The following CARD19 variants were observed in gnomAD, a reference collection of about 807,000 sequenced individuals.
The protein encoded by CARD19 is caspase recruitment domain-containing protein 19.
CARD19 carries 25 observed loss-of-function variants against 24.1 expected under a neutral mutation model. The observed-to-expected ratio is 1.04, with a 90% confidence interval of 0.76 to 1.45. The LOEUF is 1.45. CARD19 is among the 40% of genes most tolerant of loss of function. CARD19 has a pLI of 0.00. For missense variants in CARD19, 241 were observed against 247.4 expected, an observed-to-expected ratio of 0.97 and a Z score of 0.17; for synonymous variants, 103 against 104.9, an observed-to-expected ratio of 0.98 and a Z score of 0.11.
intron 1 of CARD19, among the ~76,000 whole-genome samples, chr9:93,098,898 C>CTA (rs1826979972): frequency 6.7e-5 from 5 of 74,664 alleles, no homozygotes. Flanking sequence ...CATTGCAGAA[C>CTA]TCTTTTTTTT....
At chr9:93,097,960 C>T (rs539944890) in intron 1 of CARD19, among the ~76,000 whole-genome samples, 3 of 152,370 alleles carry the variant, frequency 2.0e-5, no homozygotes, top group Non-Finnish European at 4.4e-5. Flanking sequence ...ATATGGACAG[C>T]CCTGCGAGGC....
At chr9:93,108,274 C>G (rs1827339701) in intron 2 of CARD19, among the ~76,000 whole-genome samples, 1 of 152,184 alleles carries the variant, frequency 6.6e-6, no homozygotes, top group South Asian at 2.1e-4. Context: ...GCTTTGCACT[C>G]TGCATCTTCC....
chr9:93,096,269 A>G lies in CARD19; in HGVS notation c.-77A>G. 1.6e-6 allele frequency: 2 copies of G among 1,215,568 alleles called. No individual in the cohort carries two copies. Among genetic ancestry groups the G allele is most frequent in the East Asian group, 3.2e-5 (1 of 30,808 alleles). The allele number at this position is 1,215,568 out of a possible 1,614,324, so 75.3% of individuals were successfully genotyped here. On this transcript the variant is annotated 5_prime_UTR_variant, in exon 1 of 6. Transcript: ENST00000375464. This position sits in a 1 kb window ranked among gnomAD's most constrained non-coding sequence, Gnocchi z 5.4. ...GGGCGGCGTTCGCTGGAGCTGGTGG[A>G]CCGGGCGGCTGACCGAGGGGCGGAC... is the stretch of plus-strand genomic sequence containing the variant.
At position 93,113,039 on chromosome 9, in the gene CARD19, GTCA is replaced by G; in HGVS notation, c.490_492del (p.Ile164del). 6.2e-7 allele frequency: 1 copy of G among 1,608,808 alleles called. No individual in the cohort carries two copies. The highest frequency in any genetic ancestry group is 8.5e-7 in the Non-Finnish European group (1 of 1,177,512). ...CCGGCGCGTCCTCGGTTTCTCGCCT[GTCA>G]TCATCGACAGACATGTCAGCCGCTA... On this transcript the variant is annotated inframe_deletion, in exon 6 of 6. Coordinates refer to ENST00000375464, the MANE Select transcript of CARD19 (RefSeq NM_032310.5).
intron 1 of CARD19, among the ~76,000 whole-genome samples, chr9:93,098,732 T>G (rs1253310366): frequency 6.6e-6 from 1 of 152,142 alleles, no homozygotes; most frequent in Non-Finnish European, 1.5e-5. Context: ...CTCCGGACCG[T>G]GCGGCCTGTG....
intron 1 of CARD19, among the ~76,000 whole-genome samples, chr9:93,106,539 G>T (rs1348552219): frequency 6.7e-6 from 1 of 149,010 alleles, no homozygotes; most frequent in East Asian, 2.0e-4. Context: ...CTGCACTCCA[G>T]CTTGGGTGAC....
chr9:93,113,168 C>A lies in CARD19; in HGVS notation c.*61C>A. The A allele has an allele frequency of 2.0e-6, 2 of 1,014,488 alleles. No individual in the cohort carries two copies. The highest frequency in any genetic ancestry group is 1.5e-5 in the South Asian group (1 of 65,098). The allele number at this position is 1,014,488 out of a possible 1,614,324, so 62.8% of individuals were successfully genotyped here. The stretch of plus-strand genomic sequence containing the variant: ...CCAAAGAGTCCTCGAGCCGGCCCGC[C>A]AAGGGGACTGCTGCTTCTTTTTCTA... On this transcript the variant is annotated 3_prime_UTR_variant, in exon 6 of 6. Transcript: ENST00000375464.
intron 3 of CARD19, 101 bp from the exon 4 acceptor site, chr9:93,111,778 G>A (rs1288352265): frequency 1.8e-5 from 28 of 1,532,276 alleles, no homozygotes; most frequent in African/African-American, 8.2e-5. Context: ...TCGGCCTGGC[G>A]GCCCCAGGAG....
chr9:93,106,422 A>AAAAAATAC (rs1827258150), intron 1 of CARD19, among the ~76,000 whole-genome samples: 1 of 149,882 alleles, frequency 6.7e-6, no homozygotes, highest in Non-Finnish European at 1.5e-5. Context: ...ACTAAAAAAA[A>AAAAAATAC]AAAAAAAATA....
Position 93,111,693 on chromosome 9 carries a change from A to G in CARD19, c.305-186A>G. 2.1e-6 allele frequency: 3 copies of G among 1,417,720 alleles called. No homozygotes were observed. The South Asian group carries it at 4.8e-5, about 23-fold the overall frequency. 87.8% of individuals were successfully genotyped at this position (1,417,720 alleles called of 1,614,324 possible). ...CCGGGTGCCTTTAGGCCCGTCCAGG[A>G]GTTGGAGCAGAGGAGAAGACCCAGA... On this transcript the variant is annotated intron_variant, in intron 3 of 5. Coordinates refer to ENST00000375464, the MANE Select transcript of CARD19 (RefSeq NM_032310.5).
intron 1 of CARD19, among the ~76,000 whole-genome samples, chr9:93,101,437 C>T (rs995764263): frequency 1.4e-4 from 20 of 147,476 alleles, no homozygotes; most frequent in African/African-American, 1.3e-4. Context: ...CTGGATCACA[C>T]GGTAATTCTT....
intron 1 of CARD19, among the ~76,000 whole-genome samples, chr9:93,106,669 G>A (rs1374774063): frequency 6.6e-6 from 1 of 151,052 alleles, no homozygotes; most frequent in Non-Finnish European, 1.5e-5. Flanking sequence ...TTTGTTTCCT[G>A]TATGTCTTGT....
chr9:93,096,408 G>C lies in CARD19; in HGVS notation c.7+56G>C, dbSNP rs1164290982. On this transcript the variant is annotated intron_variant, in intron 1 of 5. Transcript: ENST00000375464. This position sits in a 1 kb window ranked among gnomAD's most constrained non-coding sequence, Gnocchi z 5.4. Reference sequence around the variant, plus strand: ...TGCGGGCGCCCTGGATGGGTGGCCCGGCCCGGGGGTCCGGCTGCCTTGCGA... The same window carrying C: ...TGCGGGCGCCCTGGATGGGTGGCCCCGCCCGGGGGTCCGGCTGCCTTGCGA... 7 of 1,220,674 alleles carry C rather than the reference G, an allele frequency of 5.7e-6. No homozygotes were observed. In the African/African-American group the frequency reaches 1.1e-4, roughly 19 times the overall value. 75.6% of individuals were successfully genotyped at this position (1,220,674 alleles called of 1,614,324 possible).
chr9:93,111,218 A>G lies in CARD19; in HGVS notation c.304+497A>G. On this transcript the variant is annotated intron_variant, in intron 3 of 5. Coordinates refer to ENST00000375464, the MANE Select transcript of CARD19 (RefSeq NM_032310.5). ...CAGGCACGGATGGCTGGTCCGAAGC[A>G]CGTGCATTTCAGTTTTGAGGCTCCT... The G allele has an allele frequency of 5.9e-6, 7 of 1,178,378 alleles. No individual in the cohort carries two copies. The South Asian group carries it at 9.6e-5, about 16-fold the overall frequency. 73.0% of individuals were successfully genotyped at this position (1,178,378 alleles called of 1,614,324 possible). A position where few individuals can be genotyped will look rare whatever the true frequency, so the allele number is the denominator to read the frequency against.
At chr9:93,102,859 T>A (rs573768839) in intron 1 of CARD19, among the ~76,000 whole-genome samples, 1 of 152,286 alleles carries the variant, frequency 6.6e-6, no homozygotes, top group Admixed American at 6.5e-5. Flanking sequence ...TTGATTAAAT[T>A]TTTTCCTAAG....
chr9:93,111,398 GC>G (rs1827478316), intron 3 of CARD19: 1 of 1,090,226 alleles, frequency 9.2e-7, no homozygotes, highest in South Asian at 2.4e-5. Flanking sequence ...AGGGGCTACT[GC>G]CCCTTGGCCC....
At chr9:93,112,192 C>G in intron 4 of CARD19, 26 bp from the exon 5 acceptor site, 1 of 1,542,334 alleles carries the variant, frequency 6.5e-7, no homozygotes, top group South Asian at 1.2e-5. Flanking sequence ...CCCAGGGGAG[C>G]CCTGTTCACG....
At chr9:93,112,321 C>A in intron 5 of CARD19, 32 bp downstream of exon 5, 1 of 1,531,458 alleles carries the variant, frequency 6.5e-7, no homozygotes, top group Non-Finnish European at 8.8e-7. Context: ...TGGGGCTGGG[C>A]CTGCCTCCCC....
chr9:93,101,212 G>T (rs577445427), intron 1 of CARD19, among the ~76,000 whole-genome samples: 1 of 152,038 alleles, frequency 6.6e-6, no homozygotes, highest in Non-Finnish European at 1.5e-5. Flanking sequence ...TGAGTAGCTG[G>T]CACTACAGGC....
Sources: allele counts gnomAD v4.1 joint callset (sites outside exome capture counted in the v4.1 genomes callset), GRCh38; gene constraint gnomAD v4.1.1; non-coding constraint Gnocchi (gnomAD v3.1); transcripts MANE v1.5; gene names NCBI Gene and HGNC (gene_info 2026-07-23, HGNC 2026-07-21).